Variants in NAV1 observed in about 807,000 individuals in gnomAD.
NAV1 encodes neuron navigator 1.
Under a neutral mutation model 175.2 loss-of-function variants are expected in NAV1, and 18 were observed. That is an observed-to-expected ratio of 0.10 (90% CI 0.07 to 0.15). The LOEUF is 0.15. Ranked by LOEUF, NAV1 falls within the 10% of genes least tolerant of loss-of-function variation. The pLI is 1.00. For missense variants in NAV1, 1,731 were observed against 2,436.6 expected, an observed-to-expected ratio of 0.71 and a Z score of 6.10; for synonymous variants, 897 against 978.7, an observed-to-expected ratio of 0.92 and a Z score of 1.56.
In NAV1 at chr1:201,810,783, C is replaced by T. The variant is rs2102815544; in HGVS notation, c.4797+25C>T. 6.3e-7 allele frequency: 1 copy of T among 1,591,318 alleles called. No homozygotes were observed. ...GGTGGCTGCCCCCCGACACCCCTGC[C>T]AGCCTTTGTTCATGCCTCAGCCTTC... On this transcript the variant is annotated intron_variant, in intron 24 of 29. Transcript: ENST00000367296. The surrounding 1 kb of genome is among the most constrained non-coding windows in gnomAD (Gnocchi z 6.0).
chr1:201,811,944 C>T, exon 26 of NAV1: 1 of 1,614,176 alleles, frequency 6.2e-7, no homozygotes, highest in Non-Finnish European at 8.5e-7. Flanking sequence ...GTAAAAATGA[C>T]ACCCAACCAT....
At chr1:201,622,921 C>T, upstream of NAV1, 5 of 986,342 alleles carry the variant, frequency 5.1e-6, no homozygotes, top group Non-Finnish European at 6.0e-6. Context: ...CGCCAGCCGC[C>T]CTCACTACGC....
At chr1:201,585,422 C>A (rs1176774302) in intron 1 of NAV1, among the ~76,000 whole-genome samples, 2 of 152,040 alleles carry the variant, frequency 1.3e-5, no homozygotes, top group Non-Finnish European at 2.9e-5. Flanking sequence ...CTCTGAGAAG[C>A]TCTTCATTCA....
At chr1:201,723,046 G>T (rs1156228390) in intron 3 of NAV1, among the ~76,000 whole-genome samples, 1 of 152,236 alleles carries the variant, frequency 6.6e-6, no homozygotes, top group African/African-American at 2.4e-5. Context: ...AGGAGGCGGA[G>T]GTTGCAGAGA....
chr1:201,683,543 C>T (rs1266742803), intron 1 of NAV1, among the ~76,000 whole-genome samples: 1 of 50,814 alleles, frequency 2.0e-5, no homozygotes, highest in Non-Finnish European at 4.6e-5. Flanking sequence ...TGCTGCTGAT[C>T]TGACAGGAGG....
rs1293412141 is a variant in NAV1 at position 201,759,392 on chromosome 1, G to A, written c.1227-21029G>A. ...AGATATTGCATCAACTTCACAGACT[G>A]AAGGAGGGCCATCACCCAGGCTTCA... On this transcript the variant is annotated intron_variant, in intron 3 of 29. Coordinates refer to ENST00000367296, the Ensembl canonical transcript of NAV1. Among the ~76,000 whole-genome samples, 4 of 152,234 alleles carry A rather than the reference G, an allele frequency of 2.6e-5. No homozygotes were observed. The East Asian group carries it at 7.7e-4, about 29-fold the overall frequency.
exon 30 of NAV1, chr1:201,822,712 T>C (rs573682966): frequency 1.3e-5 from 2 of 152,776 alleles, no homozygotes; most frequent in South Asian, 2.1e-4. Context: ...CTCCAGAAAG[T>C]GTGTTCCCGT....
intron 1 of NAV1, among the ~76,000 whole-genome samples, chr1:201,692,640 G>A (rs2102420750): frequency 6.6e-6 from 1 of 152,342 alleles, no homozygotes; most frequent in South Asian, 2.1e-4. Flanking sequence ...TATCAGGGAG[G>A]AAGACAAAGG....
chr1:201,728,634 A>G (rs1672718016), intron 3 of NAV1, among the ~76,000 whole-genome samples: 1 of 151,790 alleles, frequency 6.6e-6, no homozygotes, highest in African/African-American at 2.4e-5. Flanking sequence ...AAGAAAAAAA[A>G]GACATCTGTA....
chr1:201,661,259 G>A (rs922266663), intron 1 of NAV1, among the ~76,000 whole-genome samples: 1 of 152,166 alleles, frequency 6.6e-6, no homozygotes, highest in African/African-American at 2.4e-5. Context: ...CAGGCCTATA[G>A]GAATCGGTTC....
At chr1:201,569,234 G>C (rs1402687185) in intron 1 of NAV1, among the ~76,000 whole-genome samples, 8 of 152,152 alleles carry the variant, frequency 5.3e-5, no homozygotes, top group African/African-American at 1.9e-4. Flanking sequence ...TCTTGGGCTG[G>C]ATCCTGTGGC....
intron 2 of NAV1, among the ~76,000 whole-genome samples, chr1:201,642,560 C>CTTTCTTTCTT: frequency 3.0e-5 from 1 of 32,912 alleles, no homozygotes; most frequent in African/African-American, 2.2e-4. Flanking sequence ...TTTCTTTTTT[C>CTTTCTTTCTT]CCTTTCTTCC....
chr1:201,777,964 A>G (rs991376241), intron 3 of NAV1, among the ~76,000 whole-genome samples: 13 of 152,134 alleles, frequency 8.5e-5, no homozygotes, highest in Non-Finnish European at 1.3e-4. Flanking sequence ...AGAAAAAGAA[A>G]GAAAGAAACT....
exon 7 of NAV1, chr1:201,783,521 G>T: frequency 6.2e-7 from 1 of 1,614,168 alleles, no homozygotes; most frequent in Non-Finnish European, 8.5e-7. Context: ...AAAGGTCCCA[G>T]ATCTGCATGC....
chr1:201,601,839 T>G (rs972140656), intron 2 of NAV1, among the ~76,000 whole-genome samples: 1 of 152,160 alleles, frequency 6.6e-6, no homozygotes, highest in Non-Finnish European at 1.5e-5. Context: ...AGAGTTGAAC[T>G]TGAAGCTAGA....
exon 30 of NAV1, chr1:201,825,205 T>C (rs1679605070): frequency 6.6e-6 from 1 of 152,058 alleles, no homozygotes; most frequent in South Asian, 2.1e-4. Flanking sequence ...GCCTTGGAAA[T>C]TACTACCTGG....
chr1:201,786,453 G>T (rs1676753094), exon 9 of NAV1: 1 of 1,613,616 alleles, frequency 6.2e-7, no homozygotes, highest in Non-Finnish European at 8.5e-7. Context: ...CCCAGGAGGA[G>T]ACCAAGGAGA....
intron 1 of NAV1, among the ~76,000 whole-genome samples, chr1:201,705,679 C>T (rs1671637436): frequency 6.6e-6 from 1 of 152,184 alleles, no homozygotes; most frequent in Non-Finnish European, 1.5e-5. Context: ...AGTCCCCTGC[C>T]TGCATCCTCC....
chr1:201,820,796 CTATT>C (rs1679336277), exon 30 of NAV1: 2 of 151,168 alleles, frequency 1.3e-5, no homozygotes, highest in East Asian at 2.0e-4. Flanking sequence ...TCCCATTTGC[CTATT>C]TATTTTTTTG....
Sources: gnomAD v4.1 joint callset for allele counts (sites outside exome capture counted in the v4.1 genomes callset) on GRCh38, gnomAD v4.1.1 for gene constraint, Gnocchi (gnomAD v3.1) non-coding constraint, MANE v1.5 for transcripts, NCBI Gene and HGNC (gene_info 2026-07-23, HGNC 2026-07-21) for gene names.